The following SULF1 variants were observed in gnomAD, a reference collection of about 807,000 sequenced individuals.
The protein encoded by SULF1 is extracellular sulfatase Sulf-1.
SULF1 carries 46 observed loss-of-function variants against 110.5 expected under a neutral mutation model. The observed-to-expected ratio is 0.42, with a 90% CI of 0.33 to 0.53. SULF1 has a LOEUF of 0.53. SULF1 is among the 20% of genes least tolerant of loss of function. SULF1 has a pLI of 0.12. For missense variants in SULF1, 941 were observed against 1,094.2 expected (o/e 0.86, Z 1.98); for synonymous variants, 371 against 387.1 (o/e 0.96, Z 0.49).
intron 5 of SULF1, among the ~76,000 whole-genome samples, chr8:69,565,537 C>A (rs1235178647): frequency 6.6e-6 from 1 of 152,074 alleles, no homozygotes; most frequent in Non-Finnish European, 1.5e-5. Flanking sequence ...ACCCATCCAT[C>A]GCTTTTGCTA....
In SULF1 at chr8:69,628,111, T is replaced by C. The variant is rs1336904837; in HGVS notation, c.2043-60T>C. 2.9e-6 allele frequency: 4 copies of C among 1,395,120 alleles called. No individual in the cohort carries two copies. The African/African-American group carries it at 5.8e-5, about 20-fold the overall frequency. The allele number at this position is 1,395,120 out of a possible 1,614,324, so 86.4% of individuals were successfully genotyped here. On this transcript the variant is annotated intron_variant, in intron 17 of 22. Transcript: ENST00000402687. Reference sequence around the variant, plus strand: ...TCTATTTTGCTTTCTTTTTATAAAATGAACACTTTGATCCAATGCAAGGCT... The same window carrying C: ...TCTATTTTGCTTTCTTTTTATAAAACGAACACTTTGATCCAATGCAAGGCT...
Position 69,601,831 on chromosome 8 carries a change from T to C in SULF1, c.1061+2T>C, listed in dbSNP as rs754456951. The C allele has an allele frequency of 6.2e-7, 1 of 1,602,680 alleles. No homozygotes were observed. Among genetic ancestry groups the C allele is most frequent in the Non-Finnish European group, 8.5e-7 (1 of 1,173,982 alleles). The stretch of plus-strand genomic sequence containing the variant: ...TCCAAGTGTAGAACCAGGATCAATG[T>C]ACGTATTTCTCTGTTTGCAACATTC... On this transcript the variant is annotated splice_donor_variant, in intron 10 of 22. Transcript: ENST00000402687. LOFTEE classifies it high-confidence loss of function.
At chr8:69,487,640 A>T (rs142104675) in intron 1 of SULF1, among the ~76,000 whole-genome samples, 1 of 152,312 alleles carries the variant, frequency 6.6e-6, no homozygotes, top group Non-Finnish European at 1.5e-5. Flanking sequence ...GTTCAACTGA[A>T]CCAAGAATAT....
chr8:69,601,962 G>A (rs1045226144), intron 10 of SULF1, 133 bp downstream of exon 10: 88 of 908,706 alleles, frequency 9.7e-5, no homozygotes, highest in Non-Finnish European at 1.3e-4. Flanking sequence ...GGTTAATTTC[G>A]AAGATGAAAA....
chr8:69,583,336 G>A (rs1473924104), intron 6 of SULF1, among the ~76,000 whole-genome samples: 1 of 151,624 alleles, frequency 6.6e-6, no homozygotes, highest in African/African-American at 2.4e-5. Flanking sequence ...GGCCTAGGCA[G>A]ATGGATCGAT....
At chr8:69,564,210 AT>A in intron 5 of SULF1, 63 bp downstream of exon 5, 1 of 1,584,300 alleles carries the variant, frequency 6.3e-7, no homozygotes, top group Non-Finnish European at 8.7e-7. Context: ...GAGTCTCAGG[AT>A]TATCAGGAGA....
intron 3 of SULF1, among the ~76,000 whole-genome samples, chr8:69,544,273 GTTTGTTTT>G (rs1250761720): frequency 1.3e-5 from 2 of 148,906 alleles, no homozygotes; most frequent in African/African-American, 5.1e-5. Context: ...TTGTTTTTTT[GTTTGTTTT>G]TTTTTGAGAT....
chr8:69,578,232 C>G (rs1805765701), intron 6 of SULF1, among the ~76,000 whole-genome samples: 1 of 152,164 alleles, frequency 6.6e-6, no homozygotes, highest in Non-Finnish European at 1.5e-5. Context: ...GAGAGTTTAA[C>G]TAAAACTCAA....
At position 69,586,405 on chromosome 8, in the gene SULF1, CT is replaced by C; in HGVS notation, c.462del (p.Trp156GlyfsTer7). The C allele has an allele frequency of 1.2e-6, 2 of 1,609,828 alleles. No individual in the cohort carries two copies. Among genetic ancestry groups the C allele is most frequent in the Non-Finnish European group, 1.7e-6 (2 of 1,178,606 alleles). The part of the protein sequence containing the change: ...LNEYNGSYIP[P>X]GWREWLGLIK... ...GAATATAATGGCAGCTACATCCCCC[CT>C]GGGTGGCGAGAATGGCTTGGATTAA... On this transcript the variant is annotated frameshift_variant, in exon 7 of 23. Coordinates refer to ENST00000402687, the MANE Select transcript of SULF1 (RefSeq NM_001128205.2). LOFTEE classifies it high-confidence loss of function.
At position 69,650,247 on chromosome 8, in the gene SULF1, ATC is replaced by A. The variant is rs201744753; in HGVS notation, c.2586-8253_2586-8252del. Among the ~76,000 whole-genome samples, 858 of 151,590 alleles carry A rather than the reference ATC, an allele frequency of 5.7e-3. 10 individuals are homozygous for A. Among genetic ancestry groups the A allele is most frequent in the African/African-American group, 0.02 (812 of 41,336 alleles). On this transcript the variant is annotated intron_variant, in intron 22 of 22. Transcript: ENST00000402687. ...ACTCCTAGGCTCAAGCGATTCTCCC[ATC>A]TCTCAACCTCCCGAATTGCTGGGAT... is the stretch of plus-strand genomic sequence containing the variant.
chr8:69,645,505 G>A lies in SULF1; in HGVS notation c.2585+4664G>A, dbSNP rs186435132. ...CTGTGCCAAACGCCGCCTTCACAGG[G>A]AGTGCAGTCTGGTGTTAGAATGCAC... On this transcript the variant is annotated intron_variant, in intron 22 of 22. Transcript: ENST00000402687. Among the ~76,000 whole-genome samples, 3 of 152,328 alleles carry A rather than the reference G, an allele frequency of 2.0e-5. No individual in the cohort carries two copies. In the East Asian group the frequency reaches 5.8e-4, roughly 29 times the overall value.
chr8:69,629,312 G>A (rs890118758), intron 18 of SULF1, among the ~76,000 whole-genome samples, 192 bp from the exon 19 acceptor site: 1 of 152,138 alleles, frequency 6.6e-6, no homozygotes, highest in Non-Finnish European at 1.5e-5. Flanking sequence ...GGGATTACAG[G>A]TGCAAGTCAC....
rs1232873608 is a variant in SULF1 at position 69,623,978 on chromosome 8, G to A, written c.1631G>A (p.Arg544His). Reference sequence around the variant, plus strand: ...AGATTTGTCCATACTCGGCAGACACGTTCCTTGTCCGTCGAATTTGAAGGT... The same window carrying A: ...AGATTTGTCCATACTCGGCAGACACATTCCTTGTCCGTCGAATTTGAAGGT... ...KPRFVHTRQT[R>H]SLSVEFEGEI... The change falls in exon 15 of 23, where the codon CGT becomes CAT. Residue 544 changes from arginine (R) to histidine (H), a missense_variant. Arg to His is a conservative substitution (Grantham distance 29, BLOSUM62 0). Coordinates refer to ENST00000402687, the MANE Select transcript of SULF1 (RefSeq NM_001128205.2). The A allele has an allele frequency of 4.3e-6, 7 of 1,614,176 alleles. No homozygotes were observed. Among genetic ancestry groups the A allele is most frequent in the Admixed American group, 1.7e-5 (1 of 60,020 alleles).
chr8:69,624,122 G>T lies in SULF1; in HGVS notation c.1775G>T (p.Gly592Val). The T allele has an allele frequency of 6.2e-7, 1 of 1,613,698 alleles. No individual in the cohort carries two copies. Among genetic ancestry groups the T allele is most frequent in the Non-Finnish European group, 8.5e-7 (1 of 1,179,710 alleles). The change falls in exon 15 of 23, where the codon GGT becomes GTT. Residue 592 changes from glycine to valine, a missense_variant. Physicochemically the swap from Gly to Val is moderately radical, Grantham distance 109 (BLOSUM62 -3). Coordinates refer to ENST00000402687, the MANE Select transcript of SULF1 (RefSeq NM_001128205.2). ...CCAAGAGATCTCCAGGCTTCCAGTG[G>T]TGGCAACAGGGGCAGGATGCTGGCA... Reference protein sequence around the residue: ...KGPRDLQASSGGNRGRMLADS... With the variant: ...KGPRDLQASSVGNRGRMLADS...
chr8:69,642,370 G>A, intron 22 of SULF1: 1 of 987,074 alleles, frequency 1.0e-6, no homozygotes, highest in Non-Finnish European at 1.2e-6. Context: ...ACAAAGGAAG[G>A]TGGACTTTTG....
Position 69,604,854 on chromosome 8 carries a change from T to G in SULF1, c.1299T>G (p.Asn433Lys). ...EESSKNIQQSNHLPKYERVKE... is the reference protein window; with the variant it reads ...EESSKNIQQSKHLPKYERVKE... ...CCAGCAAGAATATCCAACAGTCAAA[T>G]CACTTGCCCAAATATGAACGGGTCA... The change falls in exon 13 of 23, where the codon AAT becomes AAG. Residue 433 changes from asparagine to lysine, a missense_variant. By Grantham distance (94) the Asn-to-Lys change is moderately conservative (BLOSUM62 0). Around this residue, in one of 3 missense-constraint regions of SULF1, gnomAD observed 822 missense variants for 934.3 expected, o/e 0.88. Transcript: ENST00000402687. The G allele has an allele frequency of 6.2e-7, 1 of 1,614,120 alleles. No individual in the cohort carries two copies. The highest frequency in any genetic ancestry group is 1.3e-5 in the African/African-American group (1 of 75,032).
In SULF1 at chr8:69,494,884, GA is replaced by G. The variant is rs59596365; in HGVS notation, c.-390-864del. Among the ~76,000 whole-genome samples the G allele has an allele frequency of 7.0e-3, 768 of 109,632 alleles. 2 individuals carry two copies. Among genetic ancestry groups the G allele is most frequent in the African/African-American group, 0.012 (385 of 32,292 alleles). The allele number at this position is 109,632 out of a possible 152,430, so 71.9% of individuals were successfully genotyped here. A position where few individuals can be genotyped will look rare whatever the true frequency, so the allele number is the denominator to read the frequency against. On this transcript the variant is annotated intron_variant, in intron 1 of 22. Transcript: ENST00000402687. ...GACAAAGTGAGATCCTATCTCAAAG[GA>G]AAAAAAAAAAAAAAAAGAGAGAGAC...
At chr8:69,601,581 T>C in intron 9 of SULF1, 73 bp from the exon 10 acceptor site, 1 of 1,292,120 alleles carries the variant, frequency 7.7e-7, no homozygotes, top group Non-Finnish European at 1.0e-6. Context: ...TTGGGGGCAA[T>C]CGTGGCAACA....
intron 5 of SULF1, among the ~76,000 whole-genome samples, chr8:69,567,041 C>T (rs1815932126): frequency 1.3e-5 from 2 of 152,146 alleles, no homozygotes; most frequent in African/African-American, 4.8e-5. Flanking sequence ...ACCACTGTCC[C>T]TTCCATTAAT....
Sources: gnomAD v4.1 joint callset for allele counts (sites outside exome capture counted in the v4.1 genomes callset) on GRCh38, gnomAD v4.1.1 for gene constraint, gnomAD v4.1.1 regional missense constraint, MANE v1.5 for transcripts, NCBI Gene and HGNC (gene_info 2026-07-23, HGNC 2026-07-21) for gene names.